CYB5RL: variants seen among roughly 807,000 people sequenced by gnomAD.
The protein encoded by CYB5RL is NADH-cytochrome b5 reductase-like.
CYB5RL carries 38 observed loss-of-function variants against 37.5 expected under a neutral mutation model. The observed-to-expected ratio is 1.01, with a 90% CI of 0.78 to 1.33. The LOEUF is 1.33. CYB5RL is among the 40% of genes most tolerant of loss of function. CYB5RL has a pLI of 0.00. For missense variants in CYB5RL, 388 were observed against 394.4 expected (o/e 0.98, Z 0.14); for synonymous variants, 141 against 151.9 (o/e 0.93, Z 0.53).
intron 6 of CYB5RL, among the ~76,000 whole-genome samples, chr1:54,181,541 TTCCCAGACA>T (rs1660161762): frequency 6.6e-6 from 1 of 152,242 alleles, no homozygotes; most frequent in African/African-American, 2.4e-5. Context: ...GGGCAGGAGC[TTCCCAGACA>T]TCCTCGTGTG....
chr1:54,181,306 C>G (rs1660152943), intron 6 of CYB5RL, among the ~76,000 whole-genome samples: 1 of 152,236 alleles, frequency 6.6e-6, no homozygotes, highest in African/African-American at 2.4e-5. Context: ...GCTGCTGTCA[C>G]CTGTCTGTGT....
At chr1:54,177,480 C>A (rs1660049143) in intron 7 of CYB5RL, among the ~76,000 whole-genome samples, 1 of 152,194 alleles carries the variant, frequency 6.6e-6, no homozygotes, top group African/African-American at 2.4e-5. Flanking sequence ...TGCCTGGCCT[C>A]TACCCACCAC....
At position 54,170,833 on chromosome 1, in the gene CYB5RL, A is replaced by C. The variant is rs1348443781; in HGVS notation, c.*3786T>G. ...TTGGAAAATCGCTTGAAGTCTCAGA[A>C]GCTTAGTTTCCTCATCAGTAAATTG... is the stretch of plus-strand genomic sequence containing the variant. On this transcript the variant is annotated 3_prime_UTR_variant, in exon 8 of 8. Transcript: ENST00000534324. 9.6e-6 allele frequency: 3 copies of C among 312,618 alleles called. No individual in the cohort carries two copies. The highest frequency in any genetic ancestry group is 1.3e-5 in the Non-Finnish European group (2 of 157,016). 19.4% of individuals were successfully genotyped at this position (312,618 alleles called of 1,614,324 possible).
At chr1:54,184,377 A>T (rs576915374) in intron 5 of CYB5RL, 112 bp from the exon 6 acceptor site, 2 of 834,486 alleles carry the variant, frequency 2.4e-6, no homozygotes, top group Non-Finnish European at 3.8e-6. Flanking sequence ...CACATGTGTT[A>T]TCTCATTTAA....
chr1:54,171,895 C>A lies in CYB5RL; in HGVS notation c.*2724G>T, dbSNP rs926204636. 1 of 175,238 alleles carries A rather than the reference C, an allele frequency of 5.7e-6. No individual in the cohort carries two copies. Among genetic ancestry groups the A allele is most frequent in the East Asian group, 1.3e-4 (1 of 7,534 alleles). The allele number at this position is 175,238 out of a possible 1,614,324, so 10.9% of individuals were successfully genotyped here. A position where few individuals can be genotyped will look rare whatever the true frequency, so the allele number is the denominator to read the frequency against. The stretch of plus-strand genomic sequence containing the variant: ...GACCCTGCACTCTCAAGTTTCCAGG[C>A]GACAGGAGCCCTTTAGGCTTCTTGG... On this transcript the variant is annotated 3_prime_UTR_variant, in exon 8 of 8. Coordinates refer to ENST00000534324, the MANE Select transcript of CYB5RL (RefSeq NM_001031672.4).
intron 3 of CYB5RL, among the ~76,000 whole-genome samples, 163 bp from the exon 4 acceptor site, chr1:54,191,059 TAAG>T (rs1446253031): frequency 1.3e-5 from 2 of 152,194 alleles, no homozygotes; most frequent in Non-Finnish European, 2.9e-5. Flanking sequence ...AAATTGGATC[TAAG>T]AATGCCAGAG....
Position 54,195,318 on chromosome 1 carries a change from C to T in CYB5RL, c.198+101G>A, listed in dbSNP as rs1643996565. 1.2e-5 allele frequency: 16 copies of T among 1,321,966 alleles called. No homozygotes were observed. The East Asian group carries it at 4.1e-4, about 34-fold the overall frequency. The allele number at this position is 1,321,966 out of a possible 1,614,324, so 81.9% of individuals were successfully genotyped here. On this transcript the variant is annotated intron_variant, in intron 3 of 7. Coordinates refer to ENST00000534324, the MANE Select transcript of CYB5RL (RefSeq NM_001031672.4). ...CTTCTGTTATGCATACTCTTTTCTT[C>T]TGCTGTACAGTCAGGGAAGGCTTCC...
chr1:54,177,378 C>T (rs1268774797), intron 7 of CYB5RL, among the ~76,000 whole-genome samples: 1 of 152,200 alleles, frequency 6.6e-6, no homozygotes, highest in Non-Finnish European at 1.5e-5. Context: ...AGGCCACTGG[C>T]ACCACCCTGG....
At chr1:54,193,321 G>A (rs993427049) in intron 3 of CYB5RL, among the ~76,000 whole-genome samples, 4 of 152,184 alleles carry the variant, frequency 2.6e-5, no homozygotes, top group African/African-American at 9.7e-5. Context: ...GAAGATGGAC[G>A]ATATACACAT....
rs1313478729 is a variant in CYB5RL at position 54,171,254 on chromosome 1, C to T, written c.*3365G>A. On this transcript the variant is annotated 3_prime_UTR_variant, in exon 8 of 8. Transcript: ENST00000534324. ...AGCGAGTGTAAGGGATGAGCTGACG[C>T]AAGAGAACATGTTTGGAGCCTGAGA... The T allele has an allele frequency of 8.8e-6, 4 of 455,950 alleles. No homozygotes were observed. The Admixed American group carries it at 9.4e-5, about 11-fold the overall frequency. The allele number at this position is 455,950 out of a possible 1,614,324, so 28.2% of individuals were successfully genotyped here.
intron 6 of CYB5RL, among the ~76,000 whole-genome samples, chr1:54,183,341 C>A (rs1238952611): frequency 6.6e-6 from 1 of 152,200 alleles, no homozygotes; most frequent in Non-Finnish European, 1.5e-5. Context: ...ATAGGACGGA[C>A]TTCCATAAGT....
chr1:54,176,215 AG>A (rs1226147127), intron 7 of CYB5RL, among the ~76,000 whole-genome samples: 1 of 152,198 alleles, frequency 6.6e-6, no homozygotes, highest in Non-Finnish European at 1.5e-5. Context: ...CTGTGAGGAG[AG>A]GCCTCTATTC....
chr1:54,174,626 A>T lies in CYB5RL; in HGVS notation c.941T>A (p.Leu314His). 1 of 1,608,192 alleles carries T rather than the reference A, an allele frequency of 6.2e-7. No individual in the cohort carries two copies. Among genetic ancestry groups the T allele is most frequent in the Non-Finnish European group, 8.5e-7 (1 of 1,177,570 alleles). ...TTGGAAGAGAGGCCAGGGCTAGAAGAGGAAATAGGAGTCCTCAGTGAGGCC... is the reference window on the plus strand; with the variant it reads ...TTGGAAGAGAGGCCAGGGCTAGAAGTGGAAATAGGAGTCCTCAGTGAGGCC... ...CAGLTEDSYF[L>H]F is the part of the protein sequence containing the mutation. The change falls in exon 8 of 8, where the codon CTC (leucine) becomes CAC (histidine). Residue 314 changes from leucine to histidine, a missense_variant. Physicochemically the swap from Leu to His is moderately conservative, Grantham distance 99 (BLOSUM62 -3). Transcript: ENST00000534324.
chr1:54,198,535 T>G (rs561734748), intron 1 of CYB5RL, among the ~76,000 whole-genome samples: 1 of 152,016 alleles, frequency 6.6e-6, no homozygotes, highest in Admixed American at 6.6e-5. Context: ...GGTTTCACTG[T>G]GTTAGCCAGG....
Position 54,171,896 on chromosome 1 carries a change from G to A in CYB5RL, c.*2723C>T, listed in dbSNP as rs937573752. ...ACCCTGCACTCTCAAGTTTCCAGGC[G>A]ACAGGAGCCCTTTAGGCTTCTTGGC... On this transcript the variant is annotated 3_prime_UTR_variant, in exon 8 of 8. Transcript: ENST00000534324. The A allele has an allele frequency of 3.4e-5, 6 of 177,232 alleles. No homozygotes were observed. The highest frequency in any genetic ancestry group is 1.3e-4 in the East Asian group (1 of 7,752). 11.0% of individuals were successfully genotyped at this position (177,232 alleles called of 1,614,324 possible). A position where few individuals can be genotyped will look rare whatever the true frequency, so the allele number is the denominator to read the frequency against.
intron 3 of CYB5RL, among the ~76,000 whole-genome samples, chr1:54,192,809 G>A (rs1643968492): frequency 1.3e-5 from 2 of 151,360 alleles, no homozygotes; most frequent in South Asian, 4.2e-4. Context: ...AGGCTGAAGT[G>A]CAGTGGTACA....
At position 54,174,765 on chromosome 1, in the gene CYB5RL, G is replaced by T. The variant is rs373694357; in HGVS notation, c.802C>A (p.Leu268Met). The T allele has an allele frequency of 9.3e-6, 15 of 1,613,884 alleles. No homozygotes were observed. In the African/African-American group the frequency reaches 1.6e-4, roughly 17 times the overall value. ...SYQEKTHFGH[L>M]GQDLIKELVS... ...AGCTCTTTAATTAGGTCCTGGCCCA[G>T]GTGGCCAAAGTGGGTTTTCTCTTGG... Residue 268 changes from leucine (L) to methionine (M), a missense_variant, in exon 8 of 8, where the codon CTG becomes ATG. Leu to Met is a conservative substitution (Grantham distance 15). Transcript: ENST00000534324.
rs1190263464 is a variant in CYB5RL at position 54,174,676 on chromosome 1, G to T, written c.891C>A (p.Asp297Glu). The change falls in exon 8 of 8, where the codon GAC becomes GAA. Residue 297 changes from aspartate to glutamate, a missense_variant. Asp to Glu is a conservative substitution (Grantham distance 45). Transcript: ENST00000534324. The part of the protein sequence containing the change: ...LVCGSAEFTK[D>E]IARCLLCAGL... ...CTGCGCACAGTAAGCACCTGGCTATGTCTTTGGTGAACTCAGCCGAGCCAC... is the reference window on the plus strand; with the variant it reads ...CTGCGCACAGTAAGCACCTGGCTATTTCTTTGGTGAACTCAGCCGAGCCAC... The T allele has an allele frequency of 1.9e-6, 3 of 1,613,598 alleles. No individual in the cohort carries two copies. Among genetic ancestry groups the T allele is most frequent in the Non-Finnish European group, 2.5e-6 (3 of 1,179,736 alleles).
chr1:54,197,050 G>C (rs1335191453), intron 1 of CYB5RL, among the ~76,000 whole-genome samples: 2 of 152,142 alleles, frequency 1.3e-5, no homozygotes, highest in Non-Finnish European at 2.9e-5. Flanking sequence ...GAAGGCTCAA[G>C]AAGAAGTTGA....
Sources: gnomAD v4.1 joint callset for allele counts (sites outside exome capture counted in the v4.1 genomes callset) on GRCh38, gnomAD v4.1.1 for gene constraint, MANE v1.5 for transcripts, NCBI Gene and HGNC (gene_info 2026-07-23, HGNC 2026-07-21) for gene names.